The following CSMD3 variants were observed in gnomAD, a reference collection of about 807,000 sequenced individuals.
CSMD3 encodes CUB and Sushi multiple domains 3, also known as CUB and sushi domain-containing protein 3.
A neutral mutation model predicts 435.2 loss-of-function variants in CSMD3; 177 were observed. That is an observed-to-expected ratio of 0.41 (90% CI 0.36 to 0.46). The LOEUF (loss-of-function observed/expected upper bound fraction) is 0.46. Among genes scored for constraint, CSMD3 ranks in the 20% least tolerant of loss-of-function variants. The probability of loss-of-function intolerance (pLI) is 0.34; values close to 1 mark genes in which losing one functional copy is unlikely to be tolerated. For missense variants in CSMD3, 4,265 were observed against 4,504.6 expected (o/e 0.95, Z 1.52); for synonymous variants, 1,656 against 1,520.5 (o/e 1.09, Z -2.07).
At chr8:113,369,966 G>A (rs2094336967) in intron 1 of CSMD3, among the ~76,000 whole-genome samples, 1 of 151,700 alleles carries the variant, frequency 6.6e-6, no homozygotes, top group South Asian at 2.1e-4. Context: ...TTACATAGGA[G>A]GAATAACTTC....
intron 1 of CSMD3, among the ~76,000 whole-genome samples, 156 bp downstream of exon 1, chr8:113,436,521 C>T (rs1393230791): frequency 6.6e-6 from 1 of 151,628 alleles, no homozygotes; most frequent in East Asian, 1.9e-4. Flanking sequence ...AATGCATTTC[C>T]TATCTGAGGG....
At chr8:112,887,607 T>C (rs970525881) in intron 10 of CSMD3, among the ~76,000 whole-genome samples, 6 of 151,632 alleles carry the variant, frequency 4.0e-5, no homozygotes, top group Non-Finnish European at 5.9e-5. Context: ...TTTACAAATA[T>C]GTAATGCATA....
chr8:112,247,700 G>A (rs1259427024), intron 63 of CSMD3, among the ~76,000 whole-genome samples: 1 of 152,096 alleles, frequency 6.6e-6, no homozygotes, highest in Non-Finnish European at 1.5e-5. Flanking sequence ...GGCTTTCAAA[G>A]TGTAGTCTCT....
intron 1 of CSMD3, among the ~76,000 whole-genome samples, chr8:113,401,264 G>C (rs943808033): frequency 6.6e-6 from 1 of 151,444 alleles, no homozygotes; most frequent in African/African-American, 2.4e-5. Flanking sequence ...TATAATACAT[G>C]GTTAACAATT....
At chr8:113,329,204 A>AAAATAAATAAATAAATAAAT (rs60369800) in intron 1 of CSMD3, among the ~76,000 whole-genome samples, 4,267 of 143,906 alleles carry the variant, frequency 0.03, 90 homozygotes, top group Admixed American at 0.048. Flanking sequence ...TTAAAGAATG[A>AAAATAAATAAATAAATAAAT]AAATAAATAA....
At chr8:113,165,459 T>C (rs2092131353) in intron 4 of CSMD3, among the ~76,000 whole-genome samples, 1 of 152,094 alleles carries the variant, frequency 6.6e-6, no homozygotes. Context: ...AAACTCCAAG[T>C]AAACAAAAGC....
chr8:112,632,830 G>T (rs2074554004), intron 22 of CSMD3, among the ~76,000 whole-genome samples: 1 of 151,574 alleles, frequency 6.6e-6, no homozygotes, highest in African/African-American at 2.4e-5. Flanking sequence ...ATTTATATTT[G>T]TTTTATTTTA....
intron 16 of CSMD3, among the ~76,000 whole-genome samples, chr8:112,680,091 G>A (rs1022397909): frequency 1.3e-5 from 2 of 151,990 alleles, no homozygotes; most frequent in Non-Finnish European, 2.9e-5. Flanking sequence ...GTGGTGGCTC[G>A]TGCCTGTAAT....
chr8:112,530,118 C>A (rs1002255906), intron 27 of CSMD3, among the ~76,000 whole-genome samples: 1 of 151,496 alleles, frequency 6.6e-6, no homozygotes, highest in Admixed American at 6.6e-5. Flanking sequence ...GTCAAAAGAG[C>A]AAAAAGAACA....
At chr8:112,738,197 G>GA (rs1189556534) in intron 13 of CSMD3, among the ~76,000 whole-genome samples, 1 of 151,654 alleles carries the variant, frequency 6.6e-6, no homozygotes, top group African/African-American at 2.4e-5. Flanking sequence ...TTTTGAATTA[G>GA]AAAATCAAAG....
intron 13 of CSMD3, among the ~76,000 whole-genome samples, chr8:112,767,379 G>C (rs1458183362): frequency 6.6e-6 from 1 of 151,740 alleles, no homozygotes. Flanking sequence ...TGATACCTAG[G>C]CAGGTTGGAA....
intron 24 of CSMD3, among the ~76,000 whole-genome samples, chr8:112,564,118 G>A (rs933536114): frequency 6.6e-6 from 1 of 150,796 alleles, no homozygotes; most frequent in African/African-American, 2.4e-5. Flanking sequence ...AATTGGTTTT[G>A]GCCCATGTTT....
At chr8:112,933,190 G>C (rs1658373790) in intron 9 of CSMD3, among the ~76,000 whole-genome samples, 1 of 151,934 alleles carries the variant, frequency 6.6e-6, no homozygotes, top group South Asian at 2.1e-4. Flanking sequence ...AATACAAATA[G>C]ATAGCTGTAT....
In CSMD3 at chr8:113,430,722, A is replaced by G. The variant is rs1390222485; in HGVS notation, c.178+5955T>C. ...AACATTTAAGGGCCTGAACTGAATA[A>G]TGTGATGATATCTAATGCCACATAA... On this transcript the variant is annotated intron_variant, in intron 1 of 70. Coordinates refer to ENST00000297405, the MANE Select transcript of CSMD3 (RefSeq NM_198123.2). Among the ~76,000 whole-genome samples, 3 of 152,236 alleles carry G rather than the reference A, an allele frequency of 2.0e-5. No homozygotes were observed. In the East Asian group the frequency reaches 5.8e-4, roughly 29 times the overall value.
chr8:113,397,959 T>C (rs1307071553), intron 1 of CSMD3, among the ~76,000 whole-genome samples: 1 of 152,116 alleles, frequency 6.6e-6, no homozygotes, highest in Non-Finnish European at 1.5e-5. Flanking sequence ...TAGTTAATTG[T>C]GCCTCCATTT....
chr8:112,653,842 T>G (rs2131647126), intron 18 of CSMD3, among the ~76,000 whole-genome samples: 1 of 152,084 alleles, frequency 6.6e-6, no homozygotes, highest in East Asian at 1.9e-4. Context: ...GTATTTTTAG[T>G]AGAGATGGGG....
At chr8:112,508,499 C>A (rs1034676726) in intron 28 of CSMD3, among the ~76,000 whole-genome samples, 1 of 152,120 alleles carries the variant, frequency 6.6e-6, no homozygotes, top group South Asian at 2.1e-4. Flanking sequence ...GGCTCCTGAA[C>A]TTTGTCCCAC....
chr8:112,830,565 C>T (rs1420933509), intron 11 of CSMD3, among the ~76,000 whole-genome samples: 4 of 151,906 alleles, frequency 2.6e-5, no homozygotes, highest in Non-Finnish European at 5.9e-5. Flanking sequence ...CATAAAATTA[C>T]ATAATGTCCT....
intron 13 of CSMD3, among the ~76,000 whole-genome samples, chr8:112,750,823 G>T (rs1371725791): frequency 6.6e-6 from 1 of 151,988 alleles, no homozygotes; most frequent in Non-Finnish European, 1.5e-5. Context: ...AAGTACAGTT[G>T]ACCCTTGAAC....
Sources: allele counts gnomAD v4.1 joint callset (sites outside exome capture counted in the v4.1 genomes callset), GRCh38; gene constraint gnomAD v4.1.1; transcripts MANE v1.5; gene names NCBI Gene and HGNC (gene_info 2026-07-23, HGNC 2026-07-21).